The following MYO1E variants were observed in gnomAD, a reference collection of about 807,000 sequenced individuals.
The protein encoded by MYO1E is unconventional myosin-Ie.
A neutral mutation model predicts 151.1 loss-of-function variants in MYO1E; 68 were observed. That is an observed-to-expected ratio of 0.45 (90% CI 0.37 to 0.55). The LOEUF is 0.55. Among genes scored for constraint, MYO1E ranks in the 20% least tolerant of loss-of-function variants. The pLI is 0.00. For synonymous variants in MYO1E, 601 were observed against 501.7 expected, an observed-to-expected ratio of 1.20 and a Z score of -2.64; for missense variants, 1,363 against 1,389.3, an observed-to-expected ratio of 0.98 and a Z score of 0.30.
At chr15:59,141,029 C>A (rs987459707) in intron 26 of MYO1E, among the ~76,000 whole-genome samples, 1 of 152,180 alleles carries the variant, frequency 6.6e-6, no homozygotes, top group South Asian at 2.1e-4. Context: ...GTTGGCCAGG[C>A]GAGCAGGTTT....
intron 4 of MYO1E, 87 bp from the exon 5 acceptor site, chr15:59,236,759 A>C: frequency 1.6e-6 from 2 of 1,266,342 alleles, no homozygotes; most frequent in Non-Finnish European, 2.3e-6. Flanking sequence ...AAAACAAACA[A>C]ACAAACAAAA....
intron 1 of MYO1E, among the ~76,000 whole-genome samples, chr15:59,284,828 T>C (rs1177876782): frequency 6.6e-6 from 1 of 152,068 alleles, no homozygotes; most frequent in Non-Finnish European, 1.5e-5. Context: ...CACCACATCA[T>C]TAGTGAGGTA....
rs148593670 is a variant in MYO1E, at chr15:59,339,654, C to T, written c.3+32844G>A. Among the ~76,000 whole-genome samples, 4 of 152,178 alleles carry T rather than the reference C, an allele frequency of 2.6e-5. No individual in the cohort carries two copies. In the East Asian group the frequency reaches 7.7e-4, roughly 29 times the overall value. On this transcript the variant is annotated intron_variant, in intron 1 of 27. Coordinates refer to ENST00000288235, the MANE Select transcript of MYO1E (RefSeq NM_004998.4). ...CAGTCACCCAGTTTCCTTCTCGTTC[C>T]TATAGTCAACTTCCAATTAAAAGGT...
At chr15:59,254,307 C>T (rs759073141) in intron 4 of MYO1E, among the ~76,000 whole-genome samples, 2 of 152,142 alleles carry the variant, frequency 1.3e-5, no homozygotes, top group Non-Finnish European at 2.9e-5. Context: ...CCTGCCTCAG[C>T]CTCCCTAGTA....
intron 26 of MYO1E, among the ~76,000 whole-genome samples, chr15:59,152,583 C>T (rs1566965366): frequency 6.6e-6 from 1 of 152,210 alleles, no homozygotes; most frequent in East Asian, 1.9e-4. Context: ...CATTACCACC[C>T]TCAAGCTAGA....
intron 1 of MYO1E, among the ~76,000 whole-genome samples, chr15:59,340,987 C>A (rs1295153472): frequency 5.0e-5 from 7 of 139,782 alleles, no homozygotes; most frequent in Non-Finnish European, 1.1e-4. Context: ...CCACAGCACT[C>A]CAGCCTGGGA....
At chr15:59,315,549 TAA>T (rs201744878) in intron 1 of MYO1E, among the ~76,000 whole-genome samples, 91 of 128,772 alleles carry the variant, frequency 7.1e-4, no homozygotes, top group African/African-American at 1.0e-3. Flanking sequence ...AACTAAAAAT[TAA>T]AAAAAAAAAA....
At chr15:59,150,682 T>C (rs2079470301) in intron 26 of MYO1E, among the ~76,000 whole-genome samples, 1 of 152,170 alleles carries the variant, frequency 6.6e-6, no homozygotes, top group Non-Finnish European at 1.5e-5. Context: ...AACAGCACCC[T>C]TGCAATTCAC....
At chr15:59,318,353 C>A (rs1177721825) in intron 1 of MYO1E, among the ~76,000 whole-genome samples, 4 of 152,102 alleles carry the variant, frequency 2.6e-5, no homozygotes, top group African/African-American at 9.7e-5. Context: ...TAGAATTGAG[C>A]CCAACGGAGA....
Position 59,136,738 on chromosome 15 carries a change from G to A in MYO1E, c.*642C>T. 4.4e-6 allele frequency: 2 copies of A among 456,436 alleles called. No homozygotes were observed. The highest frequency in any genetic ancestry group is 8.8e-6 in the Non-Finnish European group (2 of 226,832). 28.3% of individuals were successfully genotyped at this position (456,436 alleles called of 1,614,324 possible). On this transcript the variant is annotated 3_prime_UTR_variant, in exon 28 of 28. Transcript: ENST00000288235. Reference sequence around the variant, plus strand: ...CATTCTAATTGAAGACCCAGAGAAAGCAAAGCCAGCAGCCCAGCCCCCAGC... The same window carrying A: ...CATTCTAATTGAAGACCCAGAGAAAACAAAGCCAGCAGCCCAGCCCCCAGC...
chr15:59,183,574 T>C (rs1480886113), intron 18 of MYO1E, among the ~76,000 whole-genome samples: 1 of 152,168 alleles, frequency 6.6e-6, no homozygotes. Flanking sequence ...TTTTTTCTTT[T>C]TTACTTTTTG....
intron 1 of MYO1E, among the ~76,000 whole-genome samples, chr15:59,298,748 T>A (rs2140402193): frequency 6.6e-6 from 1 of 152,180 alleles, no homozygotes; most frequent in Non-Finnish European, 1.5e-5. Flanking sequence ...ACAACATGAG[T>A]GAAAAGGATG....
At chr15:59,207,010 C>T in intron 14 of MYO1E, 1 of 1,614,066 alleles carries the variant, frequency 6.2e-7, no homozygotes, top group Non-Finnish European at 8.5e-7. Context: ...TTTCCTATGC[C>T]TGGGGATGGC....
chr15:59,318,209 G>A (rs1429181618), intron 1 of MYO1E, among the ~76,000 whole-genome samples: 1 of 152,178 alleles, frequency 6.6e-6, no homozygotes, highest in Non-Finnish European at 1.5e-5. Context: ...GGCCTCTCCA[G>A]CCATTATCTT....
rs1487069990 is a variant in MYO1E, at chr15:59,272,361, G to A, written c.92C>T (p.Thr31Ile). 2 of 1,613,978 alleles carry A rather than the reference G, an allele frequency of 1.2e-6. No individual in the cohort carries two copies. Among genetic ancestry groups the A allele is most frequent in the Non-Finnish European group, 1.7e-6 (2 of 1,179,928 alleles). ...VDDMVLLSKITENSIVENLKK... is the reference protein window; with the variant it reads ...VDDMVLLSKIIENSIVENLKK... ...CAGATTCTCCACGATGGAGTTCTCT[G>A]TGATCTTGGACAGTAGCACCATGTC... Residue 31 changes from threonine (T) to isoleucine (I), a missense_variant, in exon 2 of 28, where the codon ACA (threonine) becomes ATA (isoleucine). Transcript: ENST00000288235.
intron 4 of MYO1E, among the ~76,000 whole-genome samples, chr15:59,238,001 T>A (rs1418967631): frequency 1.3e-5 from 2 of 152,152 alleles, no homozygotes; most frequent in African/African-American, 4.8e-5. Context: ...AACCCACCTA[T>A]GCAAGTCACT....
chr15:59,276,037 T>C (rs534417016), intron 1 of MYO1E, among the ~76,000 whole-genome samples: 23 of 152,214 alleles, frequency 1.5e-4, no homozygotes, highest in Admixed American at 1.4e-3. Context: ...GGCTGAAAGT[T>C]GTTCTAAGAC....
chr15:59,221,981 A>G (rs2079959037), intron 9 of MYO1E, among the ~76,000 whole-genome samples: 2 of 152,232 alleles, frequency 1.3e-5, no homozygotes, highest in South Asian at 4.1e-4. Flanking sequence ...GATAATGTAC[A>G]CAAAGTTTAG....
intron 1 of MYO1E, among the ~76,000 whole-genome samples, chr15:59,287,920 T>C (rs1298828132): frequency 6.6e-6 from 1 of 152,230 alleles, no homozygotes; most frequent in East Asian, 1.9e-4. Context: ...TTATAAGTTA[T>C]TGTCAAATGA....
Sources: gnomAD v4.1 joint callset for allele counts (sites outside exome capture counted in the v4.1 genomes callset) on GRCh38, gnomAD v4.1.1 for gene constraint, MANE v1.5 for transcripts, NCBI Gene and HGNC (gene_info 2026-07-23, HGNC 2026-07-21) for gene names.